Variants in FAM83G observed in about 807,000 individuals in gnomAD.
FAM83G encodes the protein protein FAM83G.
In FAM83G, 38 loss-of-function variants were observed where a neutral mutation model predicts 61.5. The ratio of observed to expected loss-of-function variants is 0.62; its 90% CI spans 0.48 to 0.81. The LOEUF is 0.81. Among genes scored for constraint, FAM83G ranks in the 30% least tolerant of loss-of-function variants. The pLI, the probability that FAM83G is intolerant of heterozygous loss-of-function variation, is 0.00. For synonymous variants in FAM83G, 470 were observed against 476.1 expected (o/e 0.99, Z 0.17); for missense variants, 989 against 1,133.6 (o/e 0.87, Z 1.83).
intron 3 of FAM83G, among the ~76,000 whole-genome samples, chr17:18,984,611 T>G (rs982180269): frequency 3.3e-5 from 5 of 152,336 alleles, no homozygotes; most frequent in African/African-American, 1.2e-4. Context: ...CTGCTGGTAT[T>G]TCCAGTTTGG....
At chr17:18,994,597 C>A (rs1178652153) in intron 2 of FAM83G, among the ~76,000 whole-genome samples, 2 of 152,202 alleles carry the variant, frequency 1.3e-5, no homozygotes, top group Non-Finnish European at 2.9e-5. Context: ...GTGGCTGGAA[C>A]AATTGCTGGT....
At chr17:18,980,669 AG>A (rs1270744779) in intron 3 of FAM83G, among the ~76,000 whole-genome samples, 1 of 152,150 alleles carries the variant, frequency 6.6e-6, no homozygotes, top group East Asian at 1.9e-4. Context: ...GGCAGACCCC[AG>A]GAAGGACAGG....
intron 2 of FAM83G, among the ~76,000 whole-genome samples, chr17:18,994,622 G>A (rs1031695719): frequency 7.9e-5 from 12 of 152,154 alleles, no homozygotes; most frequent in African/African-American, 2.4e-4. Context: ...ACGCAGGACC[G>A]GGAATAGTGT....
chr17:19,001,294 T>C (rs1344209142), intron 2 of FAM83G, among the ~76,000 whole-genome samples: 2 of 152,174 alleles, frequency 1.3e-5, no homozygotes, highest in Non-Finnish European at 2.9e-5. Flanking sequence ...TGTGGAGTCA[T>C]GAACAAATCC....
rs193259546 is a variant in FAM83G, at chr17:18,974,046, T to A, written c.2083-2298A>T. Among the ~76,000 whole-genome samples, 842 of 152,140 alleles carry A rather than the reference T, an allele frequency of 5.5e-3. 3 individuals are homozygous for A. The highest frequency in any genetic ancestry group is 0.01 in the Admixed American group (159 of 15,272). ...TAGTTGGGATTACAAGCGTGTACCA[T>A]CATGCCCGGCTAATTTTTGTATTTT... On this transcript the variant is annotated intron_variant, in intron 5 of 5. Transcript: ENST00000388995.
At position 18,969,611 on chromosome 17, in the gene FAM83G, G is replaced by A; in HGVS notation, c.*1748C>T. ...TGCTGGCCCCTCAGGGACTGCCCTG[G>A]CTGGTAGAGGCTACCCACCCTGCTG... On this transcript the variant is annotated 3_prime_UTR_variant, in exon 6 of 6. Transcript: ENST00000388995. 1.8e-6 allele frequency: 1 copy of A among 552,684 alleles called. No individual in the cohort carries two copies. Among genetic ancestry groups the A allele is most frequent in the South Asian group, 2.7e-5 (1 of 37,218 alleles). 34.2% of individuals were successfully genotyped at this position (552,684 alleles called of 1,614,324 possible).
rs1175820086 is a variant in FAM83G at position 18,969,137 on chromosome 17, C to G, written c.*2222G>C. 6.2e-7 allele frequency: 1 copy of G among 1,614,038 alleles called. No individual in the cohort carries two copies. Among genetic ancestry groups the G allele is most frequent in the Admixed American group, 1.7e-5 (1 of 60,016 alleles). On this transcript the variant is annotated 3_prime_UTR_variant, in exon 6 of 6. Coordinates refer to ENST00000388995, the MANE Select transcript of FAM83G (RefSeq NM_001039999.3). ...TCCACCATCCTCACGCTCGGCATCA[C>G]AGCCCTGTACACCATCGCAGGTATG...
At chr17:19,001,990 G>A (rs2043740170) in intron 2 of FAM83G, among the ~76,000 whole-genome samples, 1 of 152,200 alleles carries the variant, frequency 6.6e-6, no homozygotes, top group African/African-American at 2.4e-5. Context: ...TCTCTGTGGG[G>A]ACTGGGTTCT....
rs1200792916 is a variant in FAM83G, at chr17:18,969,344, G to C, written c.*2015C>G. ...AGCAACCTTGCTTCCACTGGCAGGGGGCCTGGCTGCTGTAATCTACACGGA... is the reference window on the plus strand; with the variant it reads ...AGCAACCTTGCTTCCACTGGCAGGGCGCCTGGCTGCTGTAATCTACACGGA... On this transcript the variant is annotated 3_prime_UTR_variant, in exon 6 of 6. Transcript: ENST00000388995. The C allele has an allele frequency of 6.2e-7, 1 of 1,613,266 alleles. No homozygotes were observed. The highest frequency in any genetic ancestry group is 1.3e-5 in the African/African-American group (1 of 75,024).
chr17:18,976,884 G>T, intron 5 of FAM83G: 3 of 1,613,588 alleles, frequency 1.9e-6, no homozygotes, highest in Non-Finnish European at 2.5e-6. Context: ...GTCAGCCCGG[G>T]ACCTGAACCA....
chr17:19,000,613 C>A lies in FAM83G; in HGVS notation c.522+2907G>T, dbSNP rs533994030. The stretch of plus-strand genomic sequence containing the variant: ...ACGACAGGTAAGGTGAGTGAGGAGG[C>A]GGAAGGCTGGGCTGTCCTGACTCAG... On this transcript the variant is annotated intron_variant, in intron 2 of 5. Coordinates refer to ENST00000388995, the MANE Select transcript of FAM83G (RefSeq NM_001039999.3). This position sits in a 1 kb window ranked among gnomAD's most constrained non-coding sequence, Gnocchi z 5.2. Among the ~76,000 whole-genome samples, 3 of 152,242 alleles carry A rather than the reference C, an allele frequency of 2.0e-5. No individual in the cohort carries two copies. In the East Asian group the frequency reaches 5.8e-4, roughly 29 times the overall value.
Position 19,003,311 on chromosome 17 carries a change from C to G in FAM83G, c.522+209G>C, listed in dbSNP as rs746937067. Reference sequence around the variant, plus strand: ...AGACGGGGCAGCCCACTGTCACCTGCTAGGACCTGGGAACCCTACCCTGCA... The same window carrying G: ...AGACGGGGCAGCCCACTGTCACCTGGTAGGACCTGGGAACCCTACCCTGCA... On this transcript the variant is annotated intron_variant, in intron 2 of 5. Coordinates refer to ENST00000388995, the MANE Select transcript of FAM83G (RefSeq NM_001039999.3). The surrounding 1 kb of genome is among the most constrained non-coding windows in gnomAD (Gnocchi z 4.5). Among the ~76,000 whole-genome samples, 3 of 151,968 alleles carry G rather than the reference C, an allele frequency of 2.0e-5. No homozygotes were observed. The highest frequency in any genetic ancestry group is 4.4e-5 in the Non-Finnish European group (3 of 67,922).
Position 18,969,343 on chromosome 17 carries a change from G to A in FAM83G, c.*2016C>T. 1 of 1,613,248 alleles carries A rather than the reference G, an allele frequency of 6.2e-7. No homozygotes were observed. The highest frequency in any genetic ancestry group is 8.5e-7 in the Non-Finnish European group (1 of 1,179,886). ...CAGCAACCTTGCTTCCACTGGCAGG[G>A]GGCCTGGCTGCTGTAATCTACACGG... On this transcript the variant is annotated 3_prime_UTR_variant, in exon 6 of 6. Transcript: ENST00000388995.
In FAM83G at chr17:19,004,020, A is replaced by C; in HGVS notation, c.22T>G (p.Cys8Gly). The change falls in exon 2 of 6, where the codon TGT becomes GGT. Residue 8 changes from cysteine to glycine, a missense_variant. Around this residue, in one of 3 missense-constraint regions of FAM83G, gnomAD observed 371 missense variants for 404.5 expected, o/e 0.92. Transcript: ENST00000388995. The surrounding 1 kb of genome is among the most constrained non-coding windows in gnomAD (Gnocchi z 5.4). Reference sequence around the variant, plus strand: ...CAGTTCACATGGTTGTCGTCCAGACACTGCACCTGAGAGAAGGCCATGGCG... The same window carrying C: ...CAGTTCACATGGTTGTCGTCCAGACCCTGCACCTGAGAGAAGGCCATGGCG... MAFSQVQ[C>G]LDDNHVNWRS... 1 of 1,604,968 alleles carries C rather than the reference A, an allele frequency of 6.2e-7. No individual in the cohort carries two copies. The highest frequency in any genetic ancestry group is 8.5e-7 in the Non-Finnish European group (1 of 1,175,034).
chr17:18,970,767 C>T lies in FAM83G; in HGVS notation c.*592G>A. ...GCTGGGCCAGCGGGACACTGGGGTG[C>T]CCATGTGCAAAATGCTTACTTAATA... On this transcript the variant is annotated 3_prime_UTR_variant, in exon 6 of 6. Transcript: ENST00000388995. 1 of 519,094 alleles carries T rather than the reference C, an allele frequency of 1.9e-6. No homozygotes were observed. The highest frequency in any genetic ancestry group is 3.3e-5 in the East Asian group (1 of 30,458). The allele number at this position is 519,094 out of a possible 1,614,324, so 32.2% of individuals were successfully genotyped here.
intron 3 of FAM83G, 55 bp downstream of exon 3, chr17:18,988,192 C>T: frequency 6.3e-7 from 1 of 1,584,978 alleles, no homozygotes; most frequent in Non-Finnish European, 8.6e-7. Flanking sequence ...TGTTTGTTGA[C>T]AGACTGAATG....
Position 18,971,196 on chromosome 17 carries a change from CCTGGTA to C in FAM83G, c.*157_*162del. The stretch of plus-strand genomic sequence containing the variant: ...ACCTTTGGCCTGACCATCATGGCCA[CCTGGTA>C]CTGGTGCACCGACCAGGTGAGTGCC... On this transcript the variant is annotated 3_prime_UTR_variant, in exon 6 of 6. Transcript: ENST00000388995. The surrounding 1 kb of genome is among the most constrained non-coding windows in gnomAD (Gnocchi z 5.5). The C allele has an allele frequency of 6.2e-7, 1 of 1,613,990 alleles. No homozygotes were observed. The highest frequency in any genetic ancestry group is 8.5e-7 in the Non-Finnish European group (1 of 1,180,040).
chr17:19,000,492 G>C lies in FAM83G; in HGVS notation c.522+3028C>G, dbSNP rs909847488. Among the ~76,000 whole-genome samples, 1 of 152,170 alleles carries C rather than the reference G, an allele frequency of 6.6e-6. No homozygotes were observed. The highest frequency in any genetic ancestry group is 2.4e-5 in the African/African-American group (1 of 41,438). On this transcript the variant is annotated intron_variant, in intron 2 of 5. Transcript: ENST00000388995. This position sits in a 1 kb window ranked among gnomAD's most constrained non-coding sequence, Gnocchi z 5.2. Reference sequence around the variant, plus strand: ...TCCACTAGTTCCATTCTAGTCATTTGGGAACAGGGGGGACTGACAGCAGTC... The same window carrying C: ...TCCACTAGTTCCATTCTAGTCATTTCGGAACAGGGGGGACTGACAGCAGTC...
chr17:18,993,377 T>TTTC (rs971864480), intron 2 of FAM83G, among the ~76,000 whole-genome samples: 1 of 152,222 alleles, frequency 6.6e-6, no homozygotes, highest in African/African-American at 2.4e-5. Flanking sequence ...CACTTGCGTA[T>TTTC]TTCTTCTCAG....
Sources: allele counts gnomAD v4.1 joint callset (sites outside exome capture counted in the v4.1 genomes callset), GRCh38; gene constraint gnomAD v4.1.1; regional missense constraint gnomAD v4.1.1; non-coding constraint Gnocchi (gnomAD v3.1); transcripts MANE v1.5; gene names NCBI Gene and HGNC (gene_info 2026-07-23, HGNC 2026-07-21).